Variants in OCA2 observed in about 807,000 individuals in gnomAD.
OCA2 encodes the protein OCA2 melanosomal transmembrane protein.
OCA2 carries 77 observed loss-of-function variants against 100.2 expected under a neutral mutation model. That is an observed-to-expected ratio of 0.77 (90% CI 0.64 to 0.93). The LOEUF is 0.93. Among genes scored for constraint, OCA2 ranks in the 40% least tolerant of loss-of-function variants. The probability of loss-of-function intolerance (pLI) is 0.00; values close to 1 mark genes in which losing one functional copy is unlikely to be tolerated. For synonymous variants in OCA2, 432 were observed against 439.2 expected, an observed-to-expected ratio of 0.98 and a Z score of 0.21; for missense variants, 1,062 against 1,089.1, an observed-to-expected ratio of 0.98 and a Z score of 0.35.
At chr15:27,999,838 C>A (rs917394010) in intron 9 of OCA2, among the ~76,000 whole-genome samples, 3 of 151,614 alleles carry the variant, frequency 2.0e-5, no homozygotes, top group African/African-American at 7.3e-5. Flanking sequence ...ATGTACTATC[C>A]GAAAAAGAAA....
intron 9 of OCA2, among the ~76,000 whole-genome samples, chr15:27,992,005 T>A (rs1428474370): frequency 6.6e-6 from 1 of 152,246 alleles, no homozygotes; most frequent in Non-Finnish European, 1.5e-5. Context: ...AGAGTTGTTT[T>A]GTTTGTTTTA....
chr15:28,038,161 G>C (rs1329183775), intron 2 of OCA2, among the ~76,000 whole-genome samples: 1 of 152,078 alleles, frequency 6.6e-6, no homozygotes, highest in Non-Finnish European at 1.5e-5. Context: ...ACTGACCCAA[G>C]CTGCCTTTCC....
At chr15:27,984,924 T>C (rs1052167391) in intron 13 of OCA2, 140 bp downstream of exon 13, 1 of 951,088 alleles carries the variant, frequency 1.1e-6, no homozygotes, top group Admixed American at 2.0e-5. Flanking sequence ...CGAGCTGGAC[T>C]GGAATGCAGT....
the OCA2 span, among the ~76,000 whole-genome samples, chr15:27,735,160 A>G: frequency 4.5e-3 from 684 of 152,298 alleles, 5 homozygotes; most frequent in Non-Finnish European, 7.4e-3. Flanking sequence ...TAACAGTCAG[A>G]TTGAAATAAT....
chr15:28,072,888 T>C (rs1173698063), intron 2 of OCA2, among the ~76,000 whole-genome samples: 1 of 152,206 alleles, frequency 6.6e-6, no homozygotes, highest in African/African-American at 2.4e-5. Context: ...GAAAGCAGTC[T>C]GGAGATTTCT....
chr15:28,022,099 G>A (rs944686846), intron 6 of OCA2, among the ~76,000 whole-genome samples: 1 of 152,224 alleles, frequency 6.6e-6, no homozygotes, highest in African/African-American at 2.4e-5. Context: ...ATGCAAGAAG[G>A]CCAGAGCAAG....
At chr15:27,917,050 T>C (rs1191897544) in intron 19 of OCA2, among the ~76,000 whole-genome samples, 1 of 151,970 alleles carries the variant, frequency 6.6e-6, no homozygotes, top group East Asian at 1.9e-4. Flanking sequence ...CTGCTTGGGG[T>C]AGGGGAGCTG....
Position 27,771,733 on chromosome 15 carries a change from T to A in OCA2, c.2433-16261A>T, listed in dbSNP as rs2031884177. ...GCATGTAATCGTCTGACTTTAATCT[T>A]CTTTACCTCTGCTACTGTATTCCCT... On this transcript the variant is annotated intron_variant, in intron 23 of 23. Coordinates refer to ENST00000354638, the MANE Select transcript of OCA2 (RefSeq NM_000275.3). Among the ~76,000 whole-genome samples, 3 of 152,342 alleles carry A rather than the reference T, an allele frequency of 2.0e-5. No homozygotes were observed. In the South Asian group the frequency reaches 6.2e-4, roughly 32 times the overall value.
At chr15:27,854,083 T>C (rs1363906224) in intron 21 of OCA2, among the ~76,000 whole-genome samples, 3 of 152,168 alleles carry the variant, frequency 2.0e-5, no homozygotes, top group South Asian at 4.1e-4. Context: ...CTGGGGCAGG[T>C]GGGTCCTCCT....
At chr15:27,977,045 CAT>C (rs1170763161) in intron 14 of OCA2, among the ~76,000 whole-genome samples, 1 of 152,132 alleles carries the variant, frequency 6.6e-6, no homozygotes, top group East Asian at 1.9e-4. Flanking sequence ...AAATAGTTTA[CAT>C]AGAGTTGTCC....
intron 22 of OCA2, among the ~76,000 whole-genome samples, chr15:27,847,205 G>A (rs776972996): frequency 3.9e-5 from 6 of 152,146 alleles, no homozygotes; most frequent in African/African-American, 7.2e-5. Context: ...AATGCTTTAC[G>A]GGCAACAGAA....
intron 17 of OCA2, among the ~76,000 whole-genome samples, chr15:27,953,110 C>T (rs959753825): frequency 2.6e-5 from 4 of 152,182 alleles, no homozygotes; most frequent in African/African-American, 4.8e-5. Flanking sequence ...TTCATGGATG[C>T]AGGTGGATCT....
chr15:28,062,344 T>G (rs1442958745), intron 2 of OCA2, among the ~76,000 whole-genome samples: 2 of 152,278 alleles, frequency 1.3e-5, no homozygotes, highest in African/African-American at 4.8e-5. Flanking sequence ...TTTCAGTTGC[T>G]TACAGGCCAT....
chr15:27,785,712 C>A (rs2032781090), intron 23 of OCA2, among the ~76,000 whole-genome samples: 1 of 152,096 alleles, frequency 6.6e-6, no homozygotes, highest in Non-Finnish European at 1.5e-5. Flanking sequence ...GCAGGAAATC[C>A]CATATGTTCC....
chr15:27,951,760 G>A (rs16950651), intron 18 of OCA2, 24 bp downstream of exon 18: 2 of 1,482,462 alleles, frequency 1.3e-6, no homozygotes, highest in Non-Finnish European at 1.9e-6. Flanking sequence ...CAAAGCCTAT[G>A]AACCAAAGCT....
rs915476024 is a variant in OCA2, at chr15:28,043,313, G to A, written c.228-11150C>T. On this transcript the variant is annotated intron_variant, in intron 2 of 23. Coordinates refer to ENST00000354638, the MANE Select transcript of OCA2 (RefSeq NM_000275.3). The surrounding 1 kb of genome is among the most constrained non-coding windows in gnomAD (Gnocchi z 4.4). The stretch of plus-strand genomic sequence containing the variant: ...AACAGAGAGACGGAGAGGTGGTAGG[G>A]TAGTGCCTGAGCCCAGTGAGACACA... Among the ~76,000 whole-genome samples, 5 of 152,166 alleles carry A rather than the reference G, an allele frequency of 3.3e-5. No homozygotes were observed. The highest frequency in any genetic ancestry group is 9.7e-5 in the African/African-American group (4 of 41,434).
At chr15:27,738,454 G>C in the OCA2 span, among the ~76,000 whole-genome samples, 13 of 152,156 alleles carry the variant, frequency 8.5e-5, no homozygotes, top group Admixed American at 7.9e-4. Flanking sequence ...CTCAACGCCG[G>C]GCCGGGCGCG....
intron 23 of OCA2, among the ~76,000 whole-genome samples, chr15:27,823,043 T>A (rs910810360): frequency 6.6e-6 from 1 of 152,210 alleles, no homozygotes; most frequent in Non-Finnish European, 1.5e-5. Context: ...CGGAATGAGG[T>A]AGGGATAAAG....
intron 1 of OCA2, among the ~76,000 whole-genome samples, chr15:28,089,314 G>A (rs2044833148): frequency 6.6e-6 from 1 of 152,204 alleles, no homozygotes; most frequent in South Asian, 2.1e-4. Context: ...TTACAAAGAT[G>A]ATGAGATTAA....
Sources: allele counts gnomAD v4.1 joint callset (sites outside exome capture counted in the v4.1 genomes callset), GRCh38; gene constraint gnomAD v4.1.1; non-coding constraint Gnocchi (gnomAD v3.1); transcripts MANE v1.5; gene names NCBI Gene and HGNC (gene_info 2026-07-23, HGNC 2026-07-21).